Variants in ATP2B1 observed in about 807,000 individuals in gnomAD.
ATP2B1 encodes ATPase plasma membrane Ca2+ transporting 1, also known as plasma membrane calcium-transporting ATPase 1.
In ATP2B1, 14 loss-of-function variants were observed where a neutral mutation model predicts 124.2. The ratio of observed to expected loss-of-function variants is 0.11; its 90% CI spans 0.07 to 0.18. The LOEUF is 0.18. Among genes scored for constraint, ATP2B1 ranks in the 10% least tolerant of loss-of-function variants. The pLI, the probability that ATP2B1 is intolerant of heterozygous loss-of-function variation, is 1.00. For synonymous variants in ATP2B1, 449 were observed against 492.4 expected, an observed-to-expected ratio of 0.91 and a Z score of 1.17; for missense variants, 763 against 1,466.1, an observed-to-expected ratio of 0.52 and a Z score of 7.83.
At chr12:89,677,967 T>TACAC (rs1375127866) in intron 1 of ATP2B1, among the ~76,000 whole-genome samples, 17 of 54,536 alleles carry the variant, frequency 3.1e-4, no homozygotes, top group South Asian at 2.3e-3. Flanking sequence ...TATATATATA[T>TACAC]ATATACACAC....
rs557481164 is a variant in ATP2B1, at chr12:89,627,734, G to A, written c.929-18C>T. The A allele has an allele frequency of 6.2e-7, 1 of 1,612,634 alleles. No homozygotes were observed. The highest frequency in any genetic ancestry group is 1.1e-5 in the South Asian group (1 of 90,872). ...TTTCTTATCTGTAGGAACAAAATGG[G>A]AATTAAAGCTTTCCAAAAGAAATGA... is the stretch of plus-strand genomic sequence containing the variant. On this transcript the variant is annotated intron_variant, in intron 6 of 20. Transcript: ENST00000428670.
intron 1 of ATP2B1, among the ~76,000 whole-genome samples, chr12:89,657,427 T>G (rs1275243426): frequency 6.6e-6 from 1 of 152,240 alleles, no homozygotes; most frequent in East Asian, 1.9e-4. Context: ...GCAGTCCCAC[T>G]GCTGCTCATG....
intron 1 of ATP2B1, among the ~76,000 whole-genome samples, chr12:89,668,133 G>A (rs930421550): frequency 3.9e-5 from 6 of 152,052 alleles, no homozygotes; most frequent in African/African-American, 1.4e-4. Flanking sequence ...AAACAAGAAG[G>A]CAACACAGAA....
intron 1 of ATP2B1, among the ~76,000 whole-genome samples, chr12:89,692,676 T>C (rs957451277): frequency 3.3e-5 from 5 of 152,206 alleles, no homozygotes; most frequent in African/African-American, 7.2e-5. Flanking sequence ...CTTCGTGTGG[T>C]AGGAGGTGCT....
intron 9 of ATP2B1, among the ~76,000 whole-genome samples, chr12:89,623,439 CT>C (rs1880331060): frequency 1.3e-5 from 2 of 151,596 alleles, no homozygotes; most frequent in South Asian, 4.2e-4. Context: ...AGGATTATTA[CT>C]TTAAGGTAAA....
chr12:89,648,345 C>T (rs529667493), intron 2 of ATP2B1, among the ~76,000 whole-genome samples: 1 of 152,300 alleles, frequency 6.6e-6, no homozygotes, highest in South Asian at 2.1e-4. Context: ...GAGAAACTTA[C>T]TGGGAACTGG....
At chr12:89,706,964 T>C (rs544790660) in intron 1 of ATP2B1, among the ~76,000 whole-genome samples, 1 of 152,216 alleles carries the variant, frequency 6.6e-6, no homozygotes, top group African/African-American at 2.4e-5. Context: ...AACGTCCTCC[T>C]GAAATCATAG....
chr12:89,605,370 T>C (rs1326951636), intron 15 of ATP2B1, among the ~76,000 whole-genome samples: 1 of 152,180 alleles, frequency 6.6e-6, no homozygotes, highest in Non-Finnish European at 1.5e-5. Context: ...TGCCCTCATG[T>C]ATGGATTAAT....
chr12:89,650,186 T>G (rs577674615), intron 2 of ATP2B1, among the ~76,000 whole-genome samples: 3 of 152,172 alleles, frequency 2.0e-5, no homozygotes, highest in Non-Finnish European at 2.9e-5. Context: ...AAACTGACTT[T>G]TCTAAGTGAG....
intron 11 of ATP2B1, among the ~76,000 whole-genome samples, chr12:89,619,312 T>C (rs2681492): frequency 0.16 from 23,635 of 152,072 alleles, 2,179 homozygotes; most frequent in South Asian, 0.35. Flanking sequence ...ACAATGAGCG[T>C]TGAAGATCTA....
intron 1 of ATP2B1, among the ~76,000 whole-genome samples, chr12:89,675,173 C>G (rs1216388582): frequency 1.3e-5 from 2 of 152,112 alleles, no homozygotes; most frequent in African/African-American, 4.8e-5. Context: ...TGAAAGGCAT[C>G]ATATTACACT....
intron 1 of ATP2B1, among the ~76,000 whole-genome samples, chr12:89,695,490 TA>T (rs1181816277): frequency 5.9e-5 from 9 of 152,232 alleles, no homozygotes; most frequent in African/African-American, 1.9e-4. Flanking sequence ...AAAAAATTCA[TA>T]TATGATGTCA....
In ATP2B1 at chr12:89,643,690, G is replaced by A. The variant is rs745501467; in HGVS notation, c.209-1335C>T. Among the ~76,000 whole-genome samples, 4 of 152,188 alleles carry A rather than the reference G, an allele frequency of 2.6e-5. No individual in the cohort carries two copies. In the South Asian group the frequency reaches 8.3e-4, roughly 31 times the overall value. ...AACCTTGTTGATCCTGTCAAACCCA[G>A]ATATATCCCAATTAGTTAATGCAAA... On this transcript the variant is annotated intron_variant, in intron 2 of 20. Coordinates refer to ENST00000428670, the MANE Select transcript of ATP2B1 (RefSeq NM_001366521.1).
intron 2 of ATP2B1, among the ~76,000 whole-genome samples, chr12:89,642,742 C>T (rs1285796099): frequency 1.3e-5 from 2 of 152,016 alleles, no homozygotes; most frequent in South Asian, 4.2e-4. Context: ...GTAGCTGGGA[C>T]TATAGGTGCA....
At chr12:89,621,011 T>G (rs1280818439) in intron 10 of ATP2B1, among the ~76,000 whole-genome samples, 1 of 152,168 alleles carries the variant, frequency 6.6e-6, no homozygotes, top group Non-Finnish European at 1.5e-5. Flanking sequence ...CTGTTATAAA[T>G]AAGATTTTTA....
chr12:89,609,896 C>T (rs2135993769), intron 15 of ATP2B1, 41 bp downstream of exon 15: 2 of 1,555,626 alleles, frequency 1.3e-6, no homozygotes, highest in East Asian at 4.5e-5. Flanking sequence ...ACAAACCAGT[C>T]AGTAAATTAC....
intron 5 of ATP2B1, among the ~76,000 whole-genome samples, chr12:89,631,743 C>T (rs998227422): frequency 2.0e-5 from 3 of 151,930 alleles, no homozygotes; most frequent in Non-Finnish European, 2.9e-5. Flanking sequence ...TTCTATGTCC[C>T]GCAAAACAAT....
At chr12:89,663,276 T>TAA (rs1886911984) in intron 1 of ATP2B1, among the ~76,000 whole-genome samples, 1 of 152,212 alleles carries the variant, frequency 6.6e-6, no homozygotes, top group Non-Finnish European at 1.5e-5. Context: ...TAGCTTTCCT[T>TAA]TAAATCCTTT....
intron 18 of ATP2B1, among the ~76,000 whole-genome samples, chr12:89,601,793 G>A (rs1325329986): frequency 6.6e-6 from 1 of 152,036 alleles, no homozygotes; most frequent in Non-Finnish European, 1.5e-5. Context: ...ACATTCCCCT[G>A]TATTTAGTAC....
Sources: gnomAD v4.1 joint callset for allele counts (sites outside exome capture counted in the v4.1 genomes callset) on GRCh38, gnomAD v4.1.1 for gene constraint, MANE v1.5 for transcripts, NCBI Gene and HGNC (gene_info 2026-07-23, HGNC 2026-07-21) for gene names.